INSR: variants seen among roughly 807,000 people sequenced by gnomAD.
INSR encodes IR.
Under a neutral mutation model 142.6 loss-of-function variants are expected in INSR, and 67 were observed. The ratio of observed to expected loss-of-function variants is 0.47; its 90% CI spans 0.39 to 0.58. The LOEUF (loss-of-function observed/expected upper bound fraction) is 0.58. INSR is among the 20% of genes least tolerant of loss of function. The pLI, the probability that INSR is intolerant of heterozygous loss-of-function variation, is 0.00. For missense variants in INSR, 1,248 were observed against 1,833.2 expected, an observed-to-expected ratio of 0.68 and a Z score of 5.83; for synonymous variants, 756 against 743.1, an observed-to-expected ratio of 1.02 and a Z score of -0.28.
intron 1 of INSR, among the ~76,000 whole-genome samples, chr19:7,287,933 C>T (rs1444065370): frequency 6.6e-6 from 1 of 152,176 alleles, no homozygotes; most frequent in Admixed American, 6.6e-5. Context: ...CATTTTTGCG[C>T]AGTCATAGAT....
intron 2 of INSR, among the ~76,000 whole-genome samples, chr19:7,204,283 G>A (rs887898048): frequency 6.6e-6 from 1 of 151,826 alleles, no homozygotes; most frequent in Admixed American, 6.6e-5. Context: ...TCGAACTCCT[G>A]ACCTCAGGTG....
intron 2 of INSR, among the ~76,000 whole-genome samples, chr19:7,237,026 CAAAA>C (rs111359523): frequency 3.3e-5 from 3 of 90,640 alleles, no homozygotes. Flanking sequence ...GACTCTGTCT[CAAAA>C]AAAAAAAAAA....
chr19:7,230,988 C>T (rs1377479221), intron 2 of INSR, among the ~76,000 whole-genome samples: 1 of 152,122 alleles, frequency 6.6e-6, no homozygotes, highest in African/African-American at 2.4e-5. Context: ...GTGTCTACAG[C>T]GGAGCTGCGG....
intron 2 of INSR, among the ~76,000 whole-genome samples, chr19:7,222,761 G>C (rs138990001): frequency 5.3e-5 from 8 of 152,090 alleles, no homozygotes; most frequent in African/African-American, 1.9e-4. Context: ...TGTGTCCTTG[G>C]GGAGGGCCAG....
rs565035841 is a variant in INSR, at chr19:7,272,776, C to G, written c.101-4880G>C. On this transcript the variant is annotated intron_variant, in intron 1 of 21. Transcript: ENST00000302850. The stretch of plus-strand genomic sequence containing the variant: ...AAATTTGTTTTGTAGAGATAGTGGT[C>G]TCTCTATGTTGCCCAGGATGCTCTC... 7.9e-5 allele frequency among the ~76,000 whole-genome samples: 12 copies of G among 152,204 alleles called. No individual in the cohort carries two copies. The East Asian group carries it at 2.3e-3, about 29-fold the overall frequency.
intron 2 of INSR, among the ~76,000 whole-genome samples, chr19:7,229,005 G>GGACA (rs1975870159): frequency 1.3e-5 from 1 of 79,000 alleles, no homozygotes; most frequent in Non-Finnish European, 2.9e-5. Context: ...ATGGATGGAT[G>GGACA]GACGTCTGGG....
At chr19:7,292,651 G>A (rs1968528426) in intron 1 of INSR, among the ~76,000 whole-genome samples, 1 of 152,094 alleles carries the variant, frequency 6.6e-6, no homozygotes, top group Non-Finnish European at 1.5e-5. Flanking sequence ...TCCTTTTATG[G>A]AGAAATCTGA....
intron 2 of INSR, among the ~76,000 whole-genome samples, chr19:7,262,644 A>G (rs1977099479): frequency 6.6e-6 from 1 of 152,230 alleles, no homozygotes; most frequent in Non-Finnish European, 1.5e-5. Context: ...CTCCCTCCAT[A>G]CAATGGAACA....
chr19:7,142,837 T>A lies in INSR; in HGVS notation c.2521A>T (p.Ser841Cys). ...EERCSVAAYV[S>C]ARTMPEAKAD... ...CTACCTTCAGGCATGGTCCTCGCAC[T>A]GACGTAGGCTGCCACACTGCACCGT... Residue 841 changes from serine to cysteine, a missense_variant, in exon 12 of 22, where the codon AGT (serine) becomes TGT (cysteine). Physicochemically the swap from Ser to Cys is moderately radical, Grantham distance 112. Coordinates refer to ENST00000302850, the MANE Select transcript of INSR (RefSeq NM_000208.4). 1 of 1,614,048 alleles carries A rather than the reference T, an allele frequency of 6.2e-7. No individual in the cohort carries two copies.
rs377091978 is a variant in INSR at position 7,126,660 on chromosome 19, G to A, written c.2946-9C>T. On this transcript the variant is annotated splice_polypyrimidine_tract_variant and intron_variant, in intron 15 of 21. Transcript: ENST00000302850. ...GCGGCCCATCTGGCTGCCTGGAGGA[G>A]GAAAACGAGGCACGTTAGCTTGAGA... 1.3e-6 allele frequency: 2 copies of A among 1,561,760 alleles called. No homozygotes were observed. Among genetic ancestry groups the A allele is most frequent in the Admixed American group, 1.9e-5 (1 of 52,368 alleles).
At chr19:7,231,537 G>T (rs1344126910) in intron 2 of INSR, among the ~76,000 whole-genome samples, 1 of 152,024 alleles carries the variant, frequency 6.6e-6, no homozygotes, top group Non-Finnish European at 1.5e-5. Context: ...CTGACCACCA[G>T]TTATCTGCCC....
chr19:7,201,808 G>A (rs1568483617), intron 2 of INSR, among the ~76,000 whole-genome samples: 1 of 147,814 alleles, frequency 6.8e-6, no homozygotes, highest in South Asian at 2.2e-4. Flanking sequence ...GACTACAGGC[G>A]CGGCCACCAC....
Position 7,133,636 on chromosome 19 carries a change from C to T in INSR, c.2683-1319G>A, listed in dbSNP as rs572212331. Among the ~76,000 whole-genome samples the T allele has an allele frequency of 2.0e-5, 3 of 152,224 alleles. No homozygotes were observed. The East Asian group carries it at 5.8e-4, about 29-fold the overall frequency. Reference sequence around the variant, plus strand: ...CAATACTTTGGGAGGCCGAGGTGGGCGGATCACCTGAGGTCAGGAGTTCGA... The same window carrying T: ...CAATACTTTGGGAGGCCGAGGTGGGTGGATCACCTGAGGTCAGGAGTTCGA... On this transcript the variant is annotated intron_variant, in intron 13 of 21. Coordinates refer to ENST00000302850, the MANE Select transcript of INSR (RefSeq NM_000208.4).
chr19:7,287,723 A>G (rs1968379427), intron 1 of INSR, among the ~76,000 whole-genome samples: 1 of 152,180 alleles, frequency 6.6e-6, no homozygotes, highest in Admixed American at 6.6e-5. Flanking sequence ...TGTAAAGAGA[A>G]AGACATAGCG....
intron 11 of INSR, among the ~76,000 whole-genome samples, chr19:7,149,253 A>G (rs974395019): frequency 1.3e-5 from 2 of 152,170 alleles, no homozygotes; most frequent in African/African-American, 4.8e-5. Flanking sequence ...AAGCCCGTAC[A>G]TTTTTAGACC....
chr19:7,187,916 C>T (rs1230310980), intron 2 of INSR, among the ~76,000 whole-genome samples: 2 of 152,100 alleles, frequency 1.3e-5, no homozygotes, highest in Non-Finnish European at 2.9e-5. Flanking sequence ...GTCTCCCAGA[C>T]GAGACAGTTC....
chr19:7,244,189 C>T (rs1187159978), intron 2 of INSR, among the ~76,000 whole-genome samples: 3 of 152,062 alleles, frequency 2.0e-5, no homozygotes, highest in Admixed American at 6.6e-5. Flanking sequence ...CAGGAACCAT[C>T]GTCACAAAAA....
intron 8 of INSR, among the ~76,000 whole-genome samples, chr19:7,165,055 C>T (rs62124508): frequency 0.11 from 16,698 of 151,714 alleles, 1,152 homozygotes; most frequent in South Asian, 0.26. Flanking sequence ...TGAACTGGGA[C>T]GGGGAGGTTA....
intron 1 of INSR, among the ~76,000 whole-genome samples, chr19:7,286,599 G>T (rs768232380): frequency 6.6e-6 from 1 of 151,622 alleles, no homozygotes; most frequent in Non-Finnish European, 1.5e-5. Flanking sequence ...TGTTGCCCAG[G>T]CTGGTCTCAA....
Sources: allele counts gnomAD v4.1 joint callset (sites outside exome capture counted in the v4.1 genomes callset), GRCh38; gene constraint gnomAD v4.1.1; transcripts MANE v1.5; gene names NCBI Gene and HGNC (gene_info 2026-07-23, HGNC 2026-07-21).